ELF1: variants seen among roughly 807,000 people sequenced by gnomAD.
ELF1 encodes the protein E74 like ETS transcription factor 1.
A neutral mutation model predicts 59.9 loss-of-function variants in ELF1; 24 were observed. The ratio of observed to expected loss-of-function variants is 0.40; its 90% CI spans 0.29 to 0.56. The LOEUF (loss-of-function observed/expected upper bound fraction) is 0.56. ELF1 is among the 20% of genes least tolerant of loss of function. The pLI is 0.44. For synonymous variants in ELF1, 248 were observed against 266.2 expected (o/e 0.93, Z 0.67); for missense variants, 627 against 742.2 (o/e 0.84, Z 1.80).
intron 1 of ELF1, among the ~76,000 whole-genome samples, chr13:40,983,570 C>A (rs1024632120): frequency 3.3e-5 from 5 of 152,104 alleles, no homozygotes; most frequent in Non-Finnish European, 5.9e-5. Context: ...TAAATTCCAA[C>A]CCAGCAAATT....
chr13:40,984,768 A>G (rs1030715850), intron 1 of ELF1, among the ~76,000 whole-genome samples: 2 of 152,246 alleles, frequency 1.3e-5, no homozygotes, highest in Non-Finnish European at 2.9e-5. Context: ...AGGCTATTTC[A>G]AAACCCATTT....
chr13:41,035,617 G>A lies in ELF1; in HGVS notation c.-229+25221C>T, dbSNP rs150869906. ...GCTCTGCATCTGTAAAGAGAGAATA[G>A]CTTCTGGATTTGACCCAGGGTCTAT... On this transcript the variant is annotated intron_variant, in intron 1 of 1. Coordinates refer to the ELF1 transcript ENST00000405737. Among the ~76,000 whole-genome samples, 285 of 151,632 alleles carry A rather than the reference G, an allele frequency of 1.9e-3. 2 individuals are homozygous for A. Among genetic ancestry groups the A allele is most frequent in the African/African-American group, 6.6e-3 (271 of 41,348 alleles).
chr13:41,038,290 G>A (rs1876467031), intron 1 of ELF1, among the ~76,000 whole-genome samples: 2 of 152,114 alleles, frequency 1.3e-5, no homozygotes, highest in African/African-American at 4.8e-5. Flanking sequence ...CACCAAGGTG[G>A]ACAGACAACA....
chr13:40,980,432 C>T (rs1283013970), intron 2 of ELF1, among the ~76,000 whole-genome samples: 1 of 152,114 alleles, frequency 6.6e-6, no homozygotes, highest in African/African-American at 2.4e-5. Flanking sequence ...AGTACCATCT[C>T]CCTTTCCAAA....
chr13:40,967,080 T>A (rs1332457578), intron 2 of ELF1, among the ~76,000 whole-genome samples: 1 of 152,170 alleles, frequency 6.6e-6, no homozygotes, highest in Non-Finnish European at 1.5e-5. Flanking sequence ...TTGAGACAAA[T>A]CCCTGTGCCC....
intron 1 of ELF1, among the ~76,000 whole-genome samples, chr13:41,012,516 C>T (rs1002880712): frequency 2.7e-5 from 4 of 146,692 alleles, no homozygotes; most frequent in African/African-American, 1.0e-4. Context: ...TTTGACTATT[C>T]TAAGTTTGAT....
chr13:40,942,946 G>A lies in ELF1; in HGVS notation c.806+6C>T, dbSNP rs367926502. ...TAACACAATAAAATACCAAAACTTC[G>A]CATACCTGAGTGCTCTTCCCATGGT... On this transcript the variant is annotated splice_donor_region_variant and intron_variant, in intron 7 of 8. Coordinates refer to ENST00000239882, the MANE Select transcript of ELF1 (RefSeq NM_172373.4). The A allele has an allele frequency of 6.1e-5, 94 of 1,542,650 alleles. No homozygotes were observed. Among genetic ancestry groups the A allele is most frequent in the African/African-American group, 3.9e-4 (28 of 72,204 alleles).
At chr13:40,995,544 G>A (rs540813805) in intron 1 of ELF1, among the ~76,000 whole-genome samples, 3 of 152,044 alleles carry the variant, frequency 2.0e-5, no homozygotes, top group Non-Finnish European at 4.4e-5. Context: ...ACAGAATAGA[G>A]AGCACGGTTA....
intron 1 of ELF1, among the ~76,000 whole-genome samples, chr13:41,054,587 A>G (rs921733369): frequency 6.6e-6 from 1 of 152,222 alleles, no homozygotes; most frequent in Non-Finnish European, 1.5e-5. Flanking sequence ...TCTTTTAGAA[A>G]TATTTACTTT....
intron 8 of ELF1, among the ~76,000 whole-genome samples, chr13:40,936,543 A>G (rs1035421091): frequency 1.3e-4 from 20 of 152,008 alleles, no homozygotes; most frequent in Non-Finnish European, 2.8e-4. Context: ...CACAAGGTAC[A>G]GAGTTCAAGA....
chr13:41,060,834 C>T (rs1203728356), intron 1 of ELF1: 1 of 272,798 alleles, frequency 3.7e-6, no homozygotes, highest in South Asian at 3.5e-5. Context: ...CTGCCGTGAC[C>T]CACCTGACAA....
chr13:41,031,156 T>TA (rs1271837870), intron 1 of ELF1, among the ~76,000 whole-genome samples: 555 of 123,382 alleles, frequency 4.5e-3, no homozygotes, highest in Middle Eastern at 0.017. Context: ...GAGACCCTAT[T>TA]AAAAAAAAAA....
At chr13:40,955,852 A>G (rs1439779390) in intron 3 of ELF1, among the ~76,000 whole-genome samples, 15 of 94,802 alleles carry the variant, frequency 1.6e-4, no homozygotes, top group East Asian at 5.2e-4. Flanking sequence ...CCTACTGGGA[A>G]GAGAGGAGCC....
At chr13:40,955,943 G>A (rs1388042637) in intron 3 of ELF1, among the ~76,000 whole-genome samples, 9 of 121,618 alleles carry the variant, frequency 7.4e-5, no homozygotes, top group Non-Finnish European at 3.7e-5. Context: ...CGTCCGGGAG[G>A]GAGGCGGGGG....
intron 1 of ELF1, among the ~76,000 whole-genome samples, chr13:41,003,437 G>A: frequency 7.2e-6 from 1 of 138,394 alleles, no homozygotes; most frequent in East Asian, 3.3e-4. Context: ...TAGATTTATT[G>A]TTTAAAAAGA....
chr13:40,952,551 A>T (rs1427269164), intron 3 of ELF1, among the ~76,000 whole-genome samples: 1 of 151,890 alleles, frequency 6.6e-6, no homozygotes, highest in Non-Finnish European at 1.5e-5. Context: ...TTTTAGAGAC[A>T]GGGTCCCGCT....
intron 1 of ELF1, among the ~76,000 whole-genome samples, chr13:40,994,057 T>C (rs979747266): frequency 6.6e-6 from 1 of 151,642 alleles, no homozygotes; most frequent in Non-Finnish European, 1.5e-5. Flanking sequence ...GACTTTTCTA[T>C]GTGTTTGCCT....
At chr13:40,952,296 G>A (rs1363219453) in intron 3 of ELF1, among the ~76,000 whole-genome samples, 1 of 151,464 alleles carries the variant, frequency 6.6e-6, no homozygotes, top group Non-Finnish European at 1.5e-5. Context: ...AAAAATTTAT[G>A]TATTTTGATG....
intron 2 of ELF1, among the ~76,000 whole-genome samples, chr13:40,961,761 G>A (rs1478059234): frequency 6.6e-6 from 1 of 152,022 alleles, no homozygotes; most frequent in East Asian, 1.9e-4. Flanking sequence ...TAAGCTCCTG[G>A]TCTTCTAACA....
Sources: allele counts gnomAD v4.1 joint callset (sites outside exome capture counted in the v4.1 genomes callset), GRCh38; gene constraint gnomAD v4.1.1; transcripts MANE v1.5; gene names NCBI Gene and HGNC (gene_info 2026-07-23, HGNC 2026-07-21).